DIPK2B: variants seen among roughly 807,000 people sequenced by gnomAD.
DIPK2B encodes the protein UPF0672 protein CXorf36.
A neutral mutation model predicts 22.2 loss-of-function variants in DIPK2B; 15 were observed. The ratio of observed to expected loss-of-function variants is 0.68; its 90% CI spans 0.45 to 1.04. DIPK2B has a LOEUF of 1.04. Among genes scored for constraint, DIPK2B ranks in the 50% least tolerant of loss-of-function variants. The pLI, the probability that DIPK2B is intolerant of heterozygous loss-of-function variation, is 0.00. For synonymous variants in DIPK2B, 163 were observed against 153.2 expected (o/e 1.06, Z -0.47); for missense variants, 345 against 348.3 (o/e 0.99, Z 0.08).
chrX:45,191,555 G>A lies in DIPK2B; in HGVS notation c.498+196C>T. 6.4e-6 allele frequency: 3 copies of A among 469,731 alleles called. No homozygotes were observed. In the South Asian group the frequency reaches 1.1e-4, roughly 18 times the overall value. The allele number at this position is 469,731 out of a possible 1,213,427, so 38.7% of individuals were successfully genotyped here. A position where few individuals can be genotyped will look rare whatever the true frequency, so the allele number is the denominator to read the frequency against. On this transcript the variant is annotated intron_variant, in intron 2 of 4. Coordinates refer to ENST00000398000, the MANE Select transcript of DIPK2B (RefSeq NM_176819.4). ...TCAGAGAGAATGAGAAATGACAGTG[G>A]GATGGAACCTTATAAGTAAACCTTG...
At chrX:45,186,648 T>C (rs1411292144) in intron 2 of DIPK2B, among the ~76,000 whole-genome samples, 1 of 112,495 alleles carries the variant, frequency 8.9e-6, no homozygotes, top group Non-Finnish European at 1.9e-5. Context: ...ATCCTTGACC[T>C]AGTAGCCTGT....
intron 2 of DIPK2B, among the ~76,000 whole-genome samples, chrX:45,168,679 G>A (rs2047062122): frequency 1.8e-5 from 2 of 112,332 alleles, no homozygotes; most frequent in Admixed American, 9.4e-5. Flanking sequence ...AGTCCCATAT[G>A]TGGCTTTATC....
At chrX:45,159,189 G>T (rs891170939) in intron 2 of DIPK2B, among the ~76,000 whole-genome samples, 2 of 111,397 alleles carry the variant, frequency 1.8e-5, no homozygotes, top group African/African-American at 6.5e-5. Context: ...CCAAGAGCCA[G>T]TTCTTAAATG....
At position 45,195,488 on chromosome X, in the gene DIPK2B, C is replaced by CAAACATA. The variant is rs748172675; in HGVS notation, c.234-3480_234-3474dup. Among the ~76,000 whole-genome samples, 87 of 112,058 alleles carry CAAACATA rather than the reference C, an allele frequency of 7.8e-4. 1 individual carries two copies. Among genetic ancestry groups the CAAACATA allele is most frequent in the Admixed American group, 7.4e-3 (78 of 10,577 alleles). ...CATTCTTCTCATGCTTGCATCTGGT[C>CAAACATA]AAACATAAAGCCTGTAGATATGCCT... On this transcript the variant is annotated intron_variant, in intron 1 of 4. Transcript: ENST00000398000.
At chrX:45,190,539 C>T (rs2047205256) in intron 2 of DIPK2B, among the ~76,000 whole-genome samples, 1 of 111,853 alleles carries the variant, frequency 8.9e-6, no homozygotes, top group African/African-American at 3.3e-5. Context: ...GAGCCACACG[C>T]TTCTGGGGCC....
At chrX:45,154,320 T>TATC (rs2046980285) in intron 3 of DIPK2B, 122 bp from the exon 4 acceptor site, 2 of 565,984 alleles carry the variant, frequency 3.5e-6, no homozygotes, top group Non-Finnish European at 5.1e-6. Context: ...TCTATCTATC[T>TATC]GTCTATCTAT....
At chrX:45,159,658 T>G (rs1343720433) in intron 2 of DIPK2B, among the ~76,000 whole-genome samples, 1 of 110,857 alleles carries the variant, frequency 9.0e-6, no homozygotes, top group Non-Finnish European at 1.9e-5. Context: ...GACCATCAGG[T>G]GCCCAGCAGT....
At chrX:45,164,604 G>A (rs964194636) in intron 2 of DIPK2B, among the ~76,000 whole-genome samples, 15 of 111,429 alleles carry the variant, frequency 1.3e-4, no homozygotes, top group African/African-American at 4.6e-4. Flanking sequence ...CATGGGCCAG[G>A]GGCCTGTTGG....
chrX:45,187,468 G>A (rs74463666), intron 2 of DIPK2B, among the ~76,000 whole-genome samples: 4 of 98,493 alleles, frequency 4.1e-5, no homozygotes, highest in African/African-American at 1.5e-4. Context: ...GCGCGCGCGC[G>A]CACACACACA....
chrX:45,179,733 A>C (rs1357710825), intron 2 of DIPK2B, among the ~76,000 whole-genome samples: 2 of 111,823 alleles, frequency 1.8e-5, no homozygotes, highest in East Asian at 5.6e-4. Context: ...CCAAACTAAG[A>C]ACATAGAGAA....
At chrX:45,171,438 C>A (rs1174330366) in intron 2 of DIPK2B, among the ~76,000 whole-genome samples, 1 of 111,434 alleles carries the variant, frequency 9.0e-6, no homozygotes, top group Non-Finnish European at 1.9e-5. Context: ...ACCTCTAGGG[C>A]AGGTGTGCCA....
intron 2 of DIPK2B, among the ~76,000 whole-genome samples, chrX:45,177,932 A>G (rs1214751418): frequency 1.8e-5 from 2 of 111,966 alleles, no homozygotes; most frequent in Non-Finnish European, 3.8e-5. Flanking sequence ...TTATTTCCCA[A>G]ACATTTATGA....
At chrX:45,196,938 A>G (rs1056318529) in intron 1 of DIPK2B, among the ~76,000 whole-genome samples, 1 of 112,330 alleles carries the variant, frequency 8.9e-6, no homozygotes, top group Non-Finnish European at 1.9e-5. Context: ...ATGGTTGAGT[A>G]TGGGCAGTAT....
At chrX:45,162,906 G>A (rs1023150311) in intron 2 of DIPK2B, 1 of 753,919 alleles carries the variant, frequency 1.3e-6, no homozygotes, top group Non-Finnish European at 1.6e-6. Context: ...GTGATGCTGA[G>A]AGTGGCTGTC....
At chrX:45,153,474 T>TGTG (rs778708679) in intron 4 of DIPK2B, among the ~76,000 whole-genome samples, 2 of 73,862 alleles carry the variant, frequency 2.7e-5, no homozygotes, top group East Asian at 4.7e-4. Flanking sequence ...CCCAAAAGTT[T>TGTG]TGTGTGTGTG....
chrX:45,198,242 T>G (rs1275503384), intron 1 of DIPK2B, among the ~76,000 whole-genome samples: 1 of 112,138 alleles, frequency 8.9e-6, no homozygotes, highest in Admixed American at 9.4e-5. Context: ...GGAAGAATTA[T>G]ATGTGATTTT....
chrX:45,196,197 A>G (rs2148352262), intron 1 of DIPK2B, among the ~76,000 whole-genome samples: 1 of 111,384 alleles, frequency 9.0e-6, no homozygotes, highest in African/African-American at 3.3e-5. Context: ...TAGATAAGGG[A>G]GTAGAGAGAT....
At chrX:45,162,734 C>T (rs1209554864) in intron 2 of DIPK2B, 3 of 752,903 alleles carry the variant, frequency 4.0e-6, no homozygotes, top group Non-Finnish European at 3.1e-6. Context: ...GATAACCAAA[C>T]CCTGGACCTC....
At position 45,191,844 on chromosome X, in the gene DIPK2B, G is replaced by A; in HGVS notation, c.405C>T (p.Ala135=). ...SDRRICASAS[A]PKTCSIERVL... Reference sequence around the variant, plus strand: ...CACGCTCAATGCTGCAGGTCTTTGGGGCTGATGCAGAGGCACAGATTCTCC... The same window carrying A: ...CACGCTCAATGCTGCAGGTCTTTGGAGCTGATGCAGAGGCACAGATTCTCC... The change falls in exon 2 of 5, where the codon GCC becomes GCT. Residue 135 remains alanine (A), a synonymous_variant. Coordinates refer to ENST00000398000, the MANE Select transcript of DIPK2B (RefSeq NM_176819.4). 3 of 1,211,925 alleles carry A rather than the reference G, an allele frequency of 2.5e-6. No individual in the cohort carries two copies. Among genetic ancestry groups the A allele is most frequent in the Non-Finnish European group, 3.4e-6 (3 of 895,490 alleles).
Sources: gnomAD v4.1 joint callset for allele counts (sites outside exome capture counted in the v4.1 genomes callset) on GRCh38, gnomAD v4.1.1 for gene constraint, MANE v1.5 for transcripts, NCBI Gene and HGNC (gene_info 2026-07-23, HGNC 2026-07-21) for gene names.